Variants in ZC3H13 observed in about 807,000 individuals in gnomAD.
ZC3H13 encodes the protein zinc finger CCCH domain-containing protein 13.
ZC3H13 carries 64 observed loss-of-function variants against 204.1 expected under a neutral mutation model. That is an observed-to-expected ratio of 0.31 (90% CI 0.26 to 0.39). ZC3H13 has a LOEUF of 0.39. Among genes scored for constraint, ZC3H13 ranks in the 10% least tolerant of loss-of-function variants. The pLI is 1.00. For missense variants in ZC3H13, 1,833 were observed against 2,082.7 expected, an observed-to-expected ratio of 0.88 and a Z score of 2.33; for synonymous variants, 667 against 693.7, an observed-to-expected ratio of 0.96 and a Z score of 0.60.
At position 46,024,779 on chromosome 13, in the gene ZC3H13, A is replaced by G. The variant is rs571568329; in HGVS notation, c.340-4222T>C. Among the ~76,000 whole-genome samples the G allele has an allele frequency of 3.9e-3, 597 of 151,768 alleles. 3 individuals carry two copies. The highest frequency in any genetic ancestry group is 0.013 in the African/African-American group (542 of 41,358). On this transcript the variant is annotated intron_variant, in intron 4 of 18. Coordinates refer to ENST00000679008, the MANE Select transcript of ZC3H13 (RefSeq NM_001330564.2). ...AACTAGATGCATATTGAATTTTCTAAGTATTTCCCCCATGTTTTTAAACCT... is the reference window on the plus strand; with the variant it reads ...AACTAGATGCATATTGAATTTTCTAGGTATTTCCCCCATGTTTTTAAACCT...
intron 5 of ZC3H13, among the ~76,000 whole-genome samples, chr13:46,012,969 C>T (rs746098794): frequency 9.2e-5 from 14 of 152,154 alleles, no homozygotes; most frequent in African/African-American, 2.9e-4. Flanking sequence ...GTGTTTCTGA[C>T]GGTACTGTAT....
chr13:46,001,985 A>C (rs913489003), intron 8 of ZC3H13, among the ~76,000 whole-genome samples: 5 of 152,118 alleles, frequency 3.3e-5, no homozygotes, highest in African/African-American at 1.2e-4. Context: ...ATAGGAAAAA[A>C]TATTTTAAAA....
chr13:45,955,329 C>T lies in ZC3H13; in HGVS notation c.*1798G>A, dbSNP rs1349331768. 6.6e-6 allele frequency: 1 copy of T among 152,148 alleles called. No homozygotes were observed. Among genetic ancestry groups the T allele is most frequent in the Non-Finnish European group, 1.5e-5 (1 of 67,994 alleles). The allele number at this position is 152,148 out of a possible 1,614,324, so 9.4% of individuals were successfully genotyped here. A position where few individuals can be genotyped will look rare whatever the true frequency, so the allele number is the denominator to read the frequency against. On this transcript the variant is annotated 3_prime_UTR_variant, in exon 19 of 19. Coordinates refer to ENST00000679008, the MANE Select transcript of ZC3H13 (RefSeq NM_001330564.2). ...ATTGAGACTGAACAGTACATTTCCA[C>T]TGGAAACATAAAGCTCTGAATGCTG...
chr13:46,028,368 T>C (rs772264285), intron 4 of ZC3H13, among the ~76,000 whole-genome samples: 9 of 152,228 alleles, frequency 5.9e-5, no homozygotes, highest in Non-Finnish European at 1.2e-4. Flanking sequence ...TTCACTCTTA[T>C]GGTTGAGGAT....
intron 11 of ZC3H13, among the ~76,000 whole-genome samples, chr13:45,976,988 T>C (rs764164260): frequency 2.6e-5 from 4 of 152,206 alleles, no homozygotes; most frequent in Non-Finnish European, 5.9e-5. Context: ...TTTACTATTT[T>C]AGAGGTTATA....
Position 46,010,403 on chromosome 13 carries a change from T to C in ZC3H13, c.691A>G (p.Ser231Gly). 6.2e-7 allele frequency: 1 copy of C among 1,613,948 alleles called. No homozygotes were observed. Among genetic ancestry groups the C allele is most frequent in the East Asian group, 2.2e-5 (1 of 44,870 alleles). ...RKSSPKSSSA[S>G]KKDRKTSAVS... is the part of the protein sequence containing the mutation. ...GCAGATGTCTTCCTATCTTTCTTGCTAGCTGAAGACGACTTCGGGCTTGAT... is the reference window on the plus strand; with the variant it reads ...GCAGATGTCTTCCTATCTTTCTTGCCAGCTGAAGACGACTTCGGGCTTGAT... The change falls in exon 7 of 19, where the codon AGC (serine) becomes GGC (glycine). Residue 231 changes from serine (S) to glycine (G), a missense_variant. By Grantham distance (56) the Ser-to-Gly change is moderately conservative (BLOSUM62 0). This residue lies in a region of ZC3H13 where 1,574 missense variants were observed against 1,757.2 expected (regional missense o/e 0.90). Transcript: ENST00000679008.
At chr13:46,028,871 T>G (rs1418803771) in intron 4 of ZC3H13, among the ~76,000 whole-genome samples, 1 of 152,046 alleles carries the variant, frequency 6.6e-6, no homozygotes, top group Non-Finnish European at 1.5e-5. Flanking sequence ...AATCATTAAT[T>G]TAAGCTTCCA....
In ZC3H13 at chr13:45,965,421, C is replaced by T. The variant is rs375805320; in HGVS notation, c.4333G>A (p.Glu1445Lys). 2 of 1,612,344 alleles carry T rather than the reference C, an allele frequency of 1.2e-6. No homozygotes were observed. The highest frequency in any genetic ancestry group is 8.5e-7 in the Non-Finnish European group (1 of 1,179,230). ...RTESLEAGDD[E>K]SKLDDAHSLG... is the part of the protein sequence containing the mutation. ...GAATGTGCATCATCTAACTTGGACT[C>T]GTCATCTCCTGCTAAATAGACAAAT... Residue 1445 changes from glutamate (E) to lysine (K), a missense_variant, in exon 16 of 19, where the codon GAG (glutamate) becomes AAG (lysine). Transcript: ENST00000679008.
chr13:46,003,359 A>G, intron 7 of ZC3H13, 23 bp from the exon 8 acceptor site: 1 of 1,592,566 alleles, frequency 6.3e-7, no homozygotes, highest in South Asian at 1.2e-5. Flanking sequence ...AAAAGCTATC[A>G]TTAGAGGTTC....
At chr13:45,996,748 C>CAAAAAAAAAAAAAAAAAAA (rs79022953) in intron 8 of ZC3H13, among the ~76,000 whole-genome samples, 1 of 50,570 alleles carries the variant, frequency 2.0e-5, no homozygotes. Flanking sequence ...TGAATATGTA[C>CAAAAAAAAAAAAAAAAAAA]AAAAAAAAAA....
At chr13:46,008,519 T>A (rs2182482) in intron 7 of ZC3H13, among the ~76,000 whole-genome samples, 114,014 of 152,046 alleles carry the variant, frequency 0.75, 43,239 homozygotes, top group African/African-American at 0.85. Context: ...TAATAGGATG[T>A]GTTACTAATA....
At chr13:45,988,688 A>G in intron 9 of ZC3H13, 99 bp downstream of exon 9, 1 of 1,340,268 alleles carries the variant, frequency 7.5e-7, no homozygotes, top group Non-Finnish European at 1.0e-6. Context: ...TGTGTGTTAC[A>G]GAAGACTTAA....
Position 45,968,925 on chromosome 13 carries a change from G to A in ZC3H13, c.3619C>T (p.Arg1207Cys), listed in dbSNP as rs748622462. 8.1e-6 allele frequency: 13 copies of A among 1,614,052 alleles called. No homozygotes were observed. Among genetic ancestry groups the A allele is most frequent in the Admixed American group, 6.7e-5 (4 of 59,998 alleles). The change falls in exon 14 of 19, where the codon CGC (arginine) becomes TGC (cysteine). Residue 1207 changes from arginine to cysteine, a missense_variant. By Grantham distance (180) the Arg-to-Cys change is radical. This residue lies in a region of ZC3H13 where 1,574 missense variants were observed against 1,757.2 expected (regional missense o/e 0.90). Transcript: ENST00000679008. ...TGGGCTGAATCATTGGATGGGGAGC[G>A]AAGACGACCAGACGTATGACTACGG... is the stretch of plus-strand genomic sequence containing the variant. ...SNRSHTSGRL[R>C]SPSNDSAHRS...
chr13:46,034,929 T>C (rs1183235252), intron 4 of ZC3H13, among the ~76,000 whole-genome samples: 9 of 152,158 alleles, frequency 5.9e-5, no homozygotes, highest in Admixed American at 3.9e-4. Flanking sequence ...ATATACCAGT[T>C]AGTATACACG....
rs192389208 is a variant in ZC3H13 at position 46,034,273 on chromosome 13, A to C, written c.339+7891T>G. On this transcript the variant is annotated intron_variant, in intron 4 of 18. Transcript: ENST00000679008. Reference sequence around the variant, plus strand: ...ATAAAGTTAAAAATATACATAAGACACAGTTCTACCCCTAGATATTTACCA... The same window carrying C: ...ATAAAGTTAAAAATATACATAAGACCCAGTTCTACCCCTAGATATTTACCA... Among the ~76,000 whole-genome samples the C allele has an allele frequency of 5.3e-5, 8 of 152,272 alleles. No individual in the cohort carries two copies. The East Asian group carries it at 1.5e-3, about 29-fold the overall frequency.
chr13:46,026,658 C>T (rs147460408), intron 4 of ZC3H13, among the ~76,000 whole-genome samples: 2 of 151,836 alleles, frequency 1.3e-5, no homozygotes, highest in African/African-American at 4.8e-5. Context: ...ACGTAAAAAA[C>T]AAAAGGCCCT....
At chr13:45,985,261 A>T in intron 10 of ZC3H13, 36 bp downstream of exon 10, 1 of 1,519,570 alleles carries the variant, frequency 6.6e-7, no homozygotes, top group Non-Finnish European at 8.9e-7. Flanking sequence ...TACTTTCTAT[A>T]TAAGATATAG....
intron 17 of ZC3H13, among the ~76,000 whole-genome samples, chr13:45,960,669 T>G (rs1011583272): frequency 2.6e-5 from 4 of 152,070 alleles, no homozygotes; most frequent in Non-Finnish European, 4.4e-5. Context: ...GAAGTCAAAA[T>G]AACAGAACAG....
At chr13:45,961,960 T>G (rs1413263478) in intron 17 of ZC3H13, among the ~76,000 whole-genome samples, 2 of 152,202 alleles carry the variant, frequency 1.3e-5, no homozygotes, top group Non-Finnish European at 2.9e-5. Context: ...TTCAGTACAC[T>G]TATAAATTTT....
Sources: allele counts gnomAD v4.1 joint callset (sites outside exome capture counted in the v4.1 genomes callset), GRCh38; gene constraint gnomAD v4.1.1; regional missense constraint gnomAD v4.1.1; transcripts MANE v1.5; gene names NCBI Gene and HGNC (gene_info 2026-07-23, HGNC 2026-07-21).